Variants in SPART observed in about 807,000 individuals in gnomAD.
SPART encodes the protein spartin.
A neutral mutation model predicts 58.7 loss-of-function variants in SPART; 35 were observed. The ratio of observed to expected loss-of-function variants is 0.60; its 90% CI spans 0.46 to 0.79. SPART has a LOEUF of 0.79. Ranked by LOEUF, SPART falls within the 30% of genes least tolerant of loss-of-function variation. The pLI is 0.00. For missense variants in SPART, 730 were observed against 786.1 expected (o/e 0.93, Z 0.85); for synonymous variants, 284 against 280.7 (o/e 1.01, Z -0.12).
intron 6 of SPART, 80 bp from the exon 7 acceptor site, chr13:36,312,557 T>G (rs930700980): frequency 7.4e-7 from 1 of 1,346,224 alleles, no homozygotes; most frequent in Non-Finnish European, 1.1e-6. Context: ...GCAACATTCT[T>G]AAATGAACAT....
At chr13:36,314,812 T>C (rs1881511305) in intron 5 of SPART, among the ~76,000 whole-genome samples, 1 of 152,232 alleles carries the variant, frequency 6.6e-6, no homozygotes, top group Non-Finnish European at 1.5e-5. Context: ...CTTTTTGCCT[T>C]AGGCCAGGCA....
rs1168204632 is a variant in SPART at position 36,312,235 on chromosome 13, C to T, written c.1643G>A (p.Gly548Glu). 1 of 1,614,050 alleles carries T rather than the reference C, an allele frequency of 6.2e-7. No homozygotes were observed. Among genetic ancestry groups the T allele is most frequent in the African/African-American group, 1.3e-5 (1 of 75,034 alleles). ...CAATCCTTGCCAGACAGTTGAAAAT[C>T]CTGTAAAAATAATATTTAAAACGAT... ...AMVVAASSVQ[G>E]FSTVWQGLEC... is the part of the protein sequence containing the mutation. The change falls in exon 8 of 9, where the codon GGA becomes GAA. Residue 548 changes from glycine to glutamate, a missense_variant and splice_region_variant. By Grantham distance (98) the Gly-to-Glu change is moderately conservative. Coordinates refer to ENST00000438666, the MANE Select transcript of SPART (RefSeq NM_015087.5).
In SPART at chr13:36,312,164, C is replaced by G. The variant is rs147485566; in HGVS notation, c.1714G>C (p.Val572Leu). 2 of 1,613,564 alleles carry G rather than the reference C, an allele frequency of 1.2e-6. No individual in the cohort carries two copies. Among genetic ancestry groups the G allele is most frequent in the African/African-American group, 2.7e-5 (2 of 74,918 alleles). The change falls in exon 8 of 9, where the codon GTA becomes CTA. Residue 572 changes from valine (V) to leucine (L), a missense_variant. Coordinates refer to ENST00000438666, the MANE Select transcript of SPART (RefSeq NM_015087.5). Reference protein sequence around the residue: ...CIVNNVSAETVQTVRYKYGYN... With the variant: ...CIVNNVSAETLQTVRYKYGYN... ...ACTTACTTGTATCTGACAGTTTGTA[C>G]AGTTTCTGCTGAAACATTGTTAACG...
At chr13:36,311,340 T>C (rs1881075262) in intron 8 of SPART, among the ~76,000 whole-genome samples, 1 of 152,190 alleles carries the variant, frequency 6.6e-6, no homozygotes, top group Non-Finnish European at 1.5e-5. Flanking sequence ...GTGCAAATCA[T>C]TCATTTCTGT....
chr13:36,346,111 A>G (rs1593283456), intron 1 of SPART, 114 bp downstream of exon 1: 1 of 150,508 alleles, frequency 6.6e-6, no homozygotes, highest in Non-Finnish European at 1.5e-5. Context: ...CACCCCCTCC[A>G]CCCTTGTCCC....
chr13:36,361,059 A>G (rs1463484903), intron 1 of SPART, among the ~76,000 whole-genome samples: 1 of 152,212 alleles, frequency 6.6e-6, no homozygotes, highest in Non-Finnish European at 1.5e-5. Flanking sequence ...TGGTGTAACG[A>G]TATTGCACAT....
chr13:36,352,219 G>C (rs1885443634), intron 1 of SPART, among the ~76,000 whole-genome samples: 1 of 152,168 alleles, frequency 6.6e-6, no homozygotes, highest in Non-Finnish European at 1.5e-5. Flanking sequence ...ATCAATAATT[G>C]TGATGTTCTT....
intron 4 of SPART, among the ~76,000 whole-genome samples, 196 bp from the exon 5 acceptor site, chr13:36,326,894 C>T (rs999883677): frequency 1.3e-5 from 2 of 151,898 alleles, no homozygotes; most frequent in Non-Finnish European, 2.9e-5. Flanking sequence ...TGTTCTGGTC[C>T]ATATAAATCT....
At chr13:36,347,077 C>T (rs1412521348), upstream of SPART, among the ~76,000 whole-genome samples, 2 of 151,980 alleles carry the variant, frequency 1.3e-5, no homozygotes, top group African/African-American at 2.4e-5. Context: ...ATACTTTACC[C>T]TTCTTGACAA....
At chr13:36,321,303 C>A (rs1882356442) in intron 5 of SPART, among the ~76,000 whole-genome samples, 1 of 152,180 alleles carries the variant, frequency 6.6e-6, no homozygotes, top group Non-Finnish European at 1.5e-5. Context: ...TCTCCTGGTG[C>A]TGTCCCCAAA....
chr13:36,348,539 A>AACATTTCAG (rs1885284844), upstream of SPART, among the ~76,000 whole-genome samples: 3 of 152,230 alleles, frequency 2.0e-5, no homozygotes, highest in African/African-American at 7.2e-5. Context: ...CAACATACAG[A>AACATTTCAG]AATCAATAGT....
intron 3 of SPART, among the ~76,000 whole-genome samples, chr13:36,330,644 C>A (rs1423012847): frequency 6.6e-6 from 1 of 152,126 alleles, no homozygotes; most frequent in Non-Finnish European, 1.5e-5. Context: ...TACTTTTTCC[C>A]TCTTGCTACA....
At chr13:36,357,337 C>A (rs1014916819) in intron 1 of SPART, among the ~76,000 whole-genome samples, 3 of 152,156 alleles carry the variant, frequency 2.0e-5, no homozygotes, top group Non-Finnish European at 4.4e-5. Context: ...GCAGATTAGA[C>A]CTGACCAGTC....
chr13:36,359,349 T>C (rs1885747353), intron 1 of SPART, among the ~76,000 whole-genome samples: 1 of 152,226 alleles, frequency 6.6e-6, no homozygotes, highest in African/African-American at 2.4e-5. Context: ...GTTTTTCTTA[T>C]ACCACAGTGT....
chr13:36,335,558 C>T lies in SPART; in HGVS notation c.273G>A (p.Arg91=). The T allele has an allele frequency of 6.2e-7, 1 of 1,614,150 alleles. No individual in the cohort carries two copies. Among genetic ancestry groups the T allele is most frequent in the African/African-American group, 1.3e-5 (1 of 75,012 alleles). ...MKETLQNVRT[R]LEILEKGLAT... is the part of the protein sequence containing the mutation. ...CAAGACCCTTCTCTAGAATTTCCAG[C>T]CTGGTGCGTACATTCTGTAGAGTTT... The change falls in exon 2 of 9, where the codon AGG becomes AGA. Residue 91 remains arginine (R), a synonymous_variant. Coordinates refer to ENST00000438666, the MANE Select transcript of SPART (RefSeq NM_015087.5).
At chr13:36,325,807 T>C (rs1384047207) in intron 5 of SPART, 1 of 152,274 alleles carries the variant, frequency 6.6e-6, no homozygotes, top group Non-Finnish European at 1.5e-5. Context: ...TGCATTGCTG[T>C]ATAGTTTATA....
intron 2 of SPART, among the ~76,000 whole-genome samples, 177 bp downstream of exon 2, chr13:36,334,844 A>G (rs1004878424): frequency 6.6e-6 from 1 of 152,228 alleles, no homozygotes; most frequent in Non-Finnish European, 1.5e-5. Context: ...TTTTTAAAAA[A>G]AGAAAAAGAC....
Position 36,304,129 on chromosome 13 carries a change from CACTTGGAAAAAAATAA to C in SPART, c.*220_*235del. On this transcript the variant is annotated 3_prime_UTR_variant, in exon 9 of 9. Coordinates refer to ENST00000438666, the MANE Select transcript of SPART (RefSeq NM_015087.5). ...TTTACCTGCAAAAATATTTTAGCTA[CACTTGGAAAAAAATAA>C]ACTTGAGAATATAACTTCACATTTC... 1.8e-6 allele frequency: 1 copy of C among 570,632 alleles called. No individual in the cohort carries two copies. Among genetic ancestry groups the C allele is most frequent in the Non-Finnish European group, 3.1e-6 (1 of 325,348 alleles). The allele number at this position is 570,632 out of a possible 1,614,324, so 35.3% of individuals were successfully genotyped here.
Position 36,304,357 on chromosome 13 carries a change from G to GCA in SPART, c.*6_*7dup. 6.2e-7 allele frequency: 1 copy of GCA among 1,613,924 alleles called. No individual in the cohort carries two copies. Among genetic ancestry groups the GCA allele is most frequent in the Non-Finnish European group, 8.5e-7 (1 of 1,179,876 alleles). ...AAGGCTTTGGTATAAGTGATTCCCA[G>GCA]CACTTCATCATTTATCTTTCTTCTT... On this transcript the variant is annotated 3_prime_UTR_variant, in exon 9 of 9. Transcript: ENST00000438666.
Sources: allele counts gnomAD v4.1 joint callset (sites outside exome capture counted in the v4.1 genomes callset), GRCh38; gene constraint gnomAD v4.1.1; transcripts MANE v1.5; gene names NCBI Gene and HGNC (gene_info 2026-07-23, HGNC 2026-07-21).